Variants in IL1RL2 observed in about 807,000 individuals in gnomAD.
The protein encoded by IL1RL2 is interleukin-1 receptor-like 2.
In IL1RL2, 68 loss-of-function variants were observed where a neutral mutation model predicts 66.8. The ratio of observed to expected loss-of-function variants is 1.02; its 90% CI spans 0.84 to 1.25. The LOEUF is 1.25. Among genes scored for constraint, IL1RL2 ranks in the 50% most tolerant of loss-of-function variants. The pLI, the probability that IL1RL2 is intolerant of heterozygous loss-of-function variation, is 0.00. For missense variants in IL1RL2, 729 were observed against 709.3 expected, an observed-to-expected ratio of 1.03 and a Z score of -0.32; for synonymous variants, 305 against 264.6, an observed-to-expected ratio of 1.15 and a Z score of -1.48.
chr2:102,224,204 A>G (rs1432434174), intron 8 of IL1RL2, among the ~76,000 whole-genome samples: 1 of 152,208 alleles, frequency 6.6e-6, no homozygotes, highest in Non-Finnish European at 1.5e-5. Flanking sequence ...TGATCCAGCA[A>G]TCCTACTGCT....
chr2:102,223,927 G>C (rs1690369123), intron 8 of IL1RL2, among the ~76,000 whole-genome samples: 1 of 152,184 alleles, frequency 6.6e-6, no homozygotes. Context: ...GGATTGGATT[G>C]GGCACCGGTG....
intron 9 of IL1RL2, 150 bp from the exon 10 acceptor site, chr2:102,232,813 C>A: frequency 1.4e-6 from 1 of 729,004 alleles, no homozygotes; most frequent in Non-Finnish European, 2.2e-6. Flanking sequence ...TGTCCCTTGG[C>A]AGCCCCTGGC....
rs773808515 is a variant in IL1RL2 at position 102,212,115 on chromosome 2, A to T, written c.665A>T (p.Tyr222Phe). The T allele has an allele frequency of 6.2e-7, 1 of 1,613,080 alleles. No homozygotes were observed. Among genetic ancestry groups the T allele is most frequent in the Non-Finnish European group, 8.5e-7 (1 of 1,179,122 alleles). ...GATTTCTTAGCAGAAAGAGCTGGAT[A>T]TGGAGGAAGTGTCCCTAAAATCATT... ...ITVSITERAGYGGSVPKIIYP... is the reference protein window; with the variant it reads ...ITVSITERAGFGGSVPKIIYP... Residue 222 changes from tyrosine (Y) to phenylalanine (F), a missense_variant, in exon 6 of 12, where the codon TAT (tyrosine) becomes TTT (phenylalanine). Physicochemically the swap from Tyr to Phe is conservative, Grantham distance 22. Transcript: ENST00000264257.
intron 11 of IL1RL2, chr2:102,235,581 G>A (rs1674805929): frequency 2.0e-6 from 2 of 985,332 alleles, no homozygotes; most frequent in Non-Finnish European, 2.4e-6. Context: ...ACAGGACATG[G>A]AGGGTTTTAG....
chr2:102,228,357 C>T lies in IL1RL2; in HGVS notation c.1135+2316C>T, dbSNP rs115379940. Among the ~76,000 whole-genome samples the T allele has an allele frequency of 2.0e-3, 302 of 152,214 alleles. 1 individual carries two copies. Among genetic ancestry groups the T allele is most frequent in the African/African-American group, 6.7e-3 (277 of 41,526 alleles). ...TGAGAAAGAGAGAAATAATGTCCTT[C>T]GTAGGATAAGTCATTTACCCTGACT... On this transcript the variant is annotated intron_variant, in intron 9 of 11. Coordinates refer to ENST00000264257, the MANE Select transcript of IL1RL2 (RefSeq NM_003854.4).
At chr2:102,218,772 G>T (rs1393267265) in intron 6 of IL1RL2, among the ~76,000 whole-genome samples, 181 bp from the exon 7 acceptor site, 1 of 152,200 alleles carries the variant, frequency 6.6e-6, no homozygotes, top group Admixed American at 6.5e-5. Flanking sequence ...AAGGCCACTT[G>T]CCCCTTGTGG....
Position 102,239,422 on chromosome 2 carries a change from G to A in IL1RL2, c.*181G>A, listed in dbSNP as rs1675138951. On this transcript the variant is annotated 3_prime_UTR_variant, in exon 12 of 12. Coordinates refer to ENST00000264257, the MANE Select transcript of IL1RL2 (RefSeq NM_003854.4). Reference sequence around the variant, plus strand: ...ACTGGGGCCATCCCCATGTCATGGTGGGTGAGAGCTGGGGCCATCCCCGTG... The same window carrying A: ...ACTGGGGCCATCCCCATGTCATGGTAGGTGAGAGCTGGGGCCATCCCCGTG... 1.7e-6 allele frequency: 1 copy of A among 592,500 alleles called. No individual in the cohort carries two copies. The highest frequency in any genetic ancestry group is 2.5e-5 in the Admixed American group (1 of 40,312). The allele number at this position is 592,500 out of a possible 1,614,324, so 36.7% of individuals were successfully genotyped here. A position where few individuals can be genotyped will look rare whatever the true frequency, so the allele number is the denominator to read the frequency against.
chr2:102,187,226 G>C, intron 1 of IL1RL2, 140 bp downstream of exon 1: 7 of 1,204,068 alleles, frequency 5.8e-6, no homozygotes, highest in Non-Finnish European at 7.4e-6. Flanking sequence ...CCCCCGACCG[G>C]CTAGGTGACC....
intron 3 of IL1RL2, among the ~76,000 whole-genome samples, chr2:102,190,178 C>T (rs35556780): frequency 4.0e-3 from 606 of 152,304 alleles, no homozygotes; most frequent in African/African-American, 0.014. Flanking sequence ...AGGTAGCTGT[C>T]TATTCAGGTC....
chr2:102,200,099 G>C (rs1449198657), intron 4 of IL1RL2, among the ~76,000 whole-genome samples: 1 of 129,636 alleles, frequency 7.7e-6, no homozygotes, highest in Non-Finnish European at 1.6e-5. Flanking sequence ...GGGCGACAGA[G>C]CTAAGACCCT....
chr2:102,232,855 A>G, intron 9 of IL1RL2, 108 bp from the exon 10 acceptor site: 7 of 1,301,100 alleles, frequency 5.4e-6, no homozygotes, highest in Non-Finnish European at 3.2e-6. Context: ...CTCAGAAGTC[A>G]TGGAACCCAG....
chr2:102,235,290 G>A lies in IL1RL2; in HGVS notation c.1678+13G>A. 1 of 1,607,646 alleles carries A rather than the reference G, an allele frequency of 6.2e-7. No homozygotes were observed. The highest frequency in any genetic ancestry group is 8.5e-7 in the Non-Finnish European group (1 of 1,176,746). ...TACCGCACCGCAGGTGAGCGGGTGGGAGGACACGAGGTTTGTCACGCACTG... is the reference window on the plus strand; with the variant it reads ...TACCGCACCGCAGGTGAGCGGGTGGAAGGACACGAGGTTTGTCACGCACTG... On this transcript the variant is annotated intron_variant, in intron 11 of 11. Coordinates refer to ENST00000264257, the MANE Select transcript of IL1RL2 (RefSeq NM_003854.4).
intron 4 of IL1RL2, among the ~76,000 whole-genome samples, chr2:102,195,641 CTCTCTCTTTCTTTCTTTCTTTCTT>C (rs1559530389): frequency 3.2e-5 from 1 of 31,640 alleles, no homozygotes; most frequent in African/African-American, 7.8e-5. Context: ...CTCTCTCTCT[CTCTCTCTTTCTTTCTTTCTTTCTT>C]TCTTTCTTTC....
chr2:102,213,958 T>G (rs991395761), intron 6 of IL1RL2, among the ~76,000 whole-genome samples: 1 of 152,158 alleles, frequency 6.6e-6, no homozygotes, highest in Non-Finnish European at 1.5e-5. Flanking sequence ...ATGGGAAAGC[T>G]TATATAAAAC....
chr2:102,195,622 T>TC (rs1687665603), intron 4 of IL1RL2, among the ~76,000 whole-genome samples: 3 of 15,942 alleles, frequency 1.9e-4, no homozygotes, highest in Admixed American at 5.6e-4. Context: ...TCTTTCTTTC[T>TC]TTCTTTCTCT....
intron 7 of IL1RL2, among the ~76,000 whole-genome samples, chr2:102,219,537 G>T (rs1689912168): frequency 6.6e-6 from 1 of 152,152 alleles, no homozygotes; most frequent in Non-Finnish European, 1.5e-5. Context: ...AAATGGAGTG[G>T]TGTAAATAAA....
chr2:102,200,117 C>CAAAAAAAAAAAAAAAAAAAAAAAAA (rs35208716), intron 4 of IL1RL2, among the ~76,000 whole-genome samples: 1 of 95,148 alleles, frequency 1.1e-5, no homozygotes, highest in Non-Finnish European at 2.1e-5. Flanking sequence ...CCTGTTCCAG[C>CAAAAAAAAAAAAAAAAAAAAAAAAA]AAAAAAAAAA....
chr2:102,209,131 A>G (rs962636739), intron 5 of IL1RL2, among the ~76,000 whole-genome samples: 1 of 152,262 alleles, frequency 6.6e-6, no homozygotes, highest in Non-Finnish European at 1.5e-5. Context: ...AACTGGGTTC[A>G]GTAGTCACTA....
intron 5 of IL1RL2, among the ~76,000 whole-genome samples, chr2:102,206,165 C>T (rs1234990807): frequency 4.6e-5 from 7 of 152,092 alleles, no homozygotes; most frequent in Non-Finnish European, 1.0e-4. Flanking sequence ...TCTTGAATTT[C>T]TTTGCGTTTC....
Sources: gnomAD v4.1 joint callset for allele counts (sites outside exome capture counted in the v4.1 genomes callset) on GRCh38, gnomAD v4.1.1 for gene constraint, MANE v1.5 for transcripts, NCBI Gene and HGNC (gene_info 2026-07-23, HGNC 2026-07-21) for gene names.